The following FAM168A variants were observed in gnomAD, a reference collection of about 807,000 sequenced individuals.
FAM168A encodes the protein family with sequence similarity 168 member A, also known as protein FAM168A.
A neutral mutation model predicts 28.5 loss-of-function variants in FAM168A; 3 were observed. The observed-to-expected ratio is 0.11, with a 90% confidence interval of 0.05 to 0.27. The LOEUF (loss-of-function observed/expected upper bound fraction) is 0.27. FAM168A is among the 10% of genes least tolerant of loss of function. The probability of loss-of-function intolerance (pLI) is 1.00; values close to 1 mark genes in which losing one functional copy is unlikely to be tolerated. For missense variants in FAM168A, 222 were observed against 311.5 expected, an observed-to-expected ratio of 0.71 and a Z score of 2.16; for synonymous variants, 122 against 124.2, an observed-to-expected ratio of 0.98 and a Z score of 0.12.
At chr11:73,433,070 C>T (rs1387813863) in intron 2 of FAM168A, among the ~76,000 whole-genome samples, 1 of 139,820 alleles carries the variant, frequency 7.2e-6, no homozygotes, top group Non-Finnish European at 1.5e-5. Flanking sequence ...TGCCACCACG[C>T]CCCGCCTTTT....
At chr11:73,557,395 T>A (rs1005343261) in intron 1 of FAM168A, among the ~76,000 whole-genome samples, 11 of 152,090 alleles carry the variant, frequency 7.2e-5, no homozygotes, top group Non-Finnish European at 1.5e-4. Context: ...GCTAAGTTTT[T>A]TTTTTTTAAT....
intron 1 of FAM168A, among the ~76,000 whole-genome samples, chr11:73,513,031 T>C (rs1855254954): frequency 1.3e-5 from 2 of 152,204 alleles, no homozygotes; most frequent in Non-Finnish European, 1.5e-5. Context: ...ACATCTGCCG[T>C]AAAGTAGTCT....
At chr11:73,422,333 T>C (rs1360223184) in intron 3 of FAM168A, among the ~76,000 whole-genome samples, 1 of 152,256 alleles carries the variant, frequency 6.6e-6, no homozygotes, top group Non-Finnish European at 1.5e-5. Context: ...TTCTTCTGGT[T>C]TCTTTACAAA....
In FAM168A at chr11:73,519,737, C is replaced by A. The variant is rs141673922; in HGVS notation, c.-18-51245G>T. On this transcript the variant is annotated intron_variant, in intron 1 of 7. Transcript: ENST00000356467. ...AGAGATGATGAGGATAGCTGGAACA[C>A]AGAGAACAAGGGAGAGAGCAGCACA... is the stretch of plus-strand genomic sequence containing the variant. Among the ~76,000 whole-genome samples, 262 of 152,036 alleles carry A rather than the reference C, an allele frequency of 1.7e-3. 1 individual carries two copies. Among genetic ancestry groups the A allele is most frequent in the Middle Eastern group, 3.4e-3 (1 of 294 alleles).
intron 1 of FAM168A, among the ~76,000 whole-genome samples, chr11:73,478,095 A>G (rs1867916216): frequency 6.6e-6 from 1 of 152,208 alleles, no homozygotes; most frequent in South Asian, 2.1e-4. Flanking sequence ...CAAGAGTCCA[A>G]AGTAAGGAAG....
chr11:73,478,522 TA>T (rs200449403), intron 1 of FAM168A, among the ~76,000 whole-genome samples: 2,795 of 152,254 alleles, frequency 0.018, 69 homozygotes, highest in African/African-American at 0.057. Context: ...AAAAAAAGTC[TA>T]AAATGATTTT....
chr11:73,596,370 T>C (rs906327305), intron 1 of FAM168A, among the ~76,000 whole-genome samples: 2 of 152,188 alleles, frequency 1.3e-5, no homozygotes, highest in African/African-American at 4.8e-5. Flanking sequence ...ACCTTTAGTT[T>C]GGAAGTATGC....
intron 1 of FAM168A, among the ~76,000 whole-genome samples, chr11:73,557,402 T>C (rs1353899347): frequency 6.6e-6 from 1 of 152,010 alleles, no homozygotes; most frequent in South Asian, 2.1e-4. Flanking sequence ...TTTTTTTTTT[T>C]AATTTTTAGC....
intron 2 of FAM168A, among the ~76,000 whole-genome samples, chr11:73,437,571 G>A (rs911215802): frequency 6.6e-6 from 1 of 151,558 alleles, no homozygotes; most frequent in African/African-American, 2.4e-5. Context: ...AACCTCTTCA[G>A]TGAGTCAAAG....
intron 2 of FAM168A, among the ~76,000 whole-genome samples, chr11:73,458,693 C>T (rs1386307300): frequency 1.3e-5 from 2 of 152,122 alleles, no homozygotes; most frequent in Non-Finnish European, 2.9e-5. Flanking sequence ...TCACTGCAAC[C>T]TCCGCCTCCC....
At chr11:73,426,703 CTG>C (rs34499254) in intron 3 of FAM168A, among the ~76,000 whole-genome samples, 1,586 of 143,812 alleles carry the variant, frequency 0.011, 10 homozygotes, top group African/African-American at 0.027. Context: ...CCAAAATATG[CTG>C]TGTGTGTGTG....
rs1258262555 is a variant in FAM168A, at chr11:73,572,566, A to G, written c.-19+25357T>C. On this transcript the variant is annotated intron_variant, in intron 1 of 7. Coordinates refer to ENST00000356467, the MANE Select transcript of FAM168A (RefSeq NM_015159.3). ...TTCTGCCTTGGGATCCTGTTGATCT[A>G]TGACCTTACCCCCAACCCTGTGCTC... is the stretch of plus-strand genomic sequence containing the variant. Among the ~76,000 whole-genome samples the G allele has an allele frequency of 6.6e-5, 10 of 150,630 alleles. No homozygotes were observed. The East Asian group carries it at 1.9e-3, about 29-fold the overall frequency.
chr11:73,495,828 T>C (rs1488360497), intron 1 of FAM168A, among the ~76,000 whole-genome samples: 1 of 152,206 alleles, frequency 6.6e-6, no homozygotes, highest in East Asian at 1.9e-4. Context: ...TTGGTGGTAA[T>C]ATAAAATGGT....
At chr11:73,554,598 G>A (rs1943868271) in intron 1 of FAM168A, among the ~76,000 whole-genome samples, 1 of 152,068 alleles carries the variant, frequency 6.6e-6, no homozygotes, top group African/African-American at 2.4e-5. Flanking sequence ...CAAGGTGAAG[G>A]AGATTTTAGG....
intron 1 of FAM168A, among the ~76,000 whole-genome samples, chr11:73,560,100 G>A (rs1286821012): frequency 6.6e-6 from 1 of 152,120 alleles, no homozygotes; most frequent in Admixed American, 6.5e-5. Flanking sequence ...GTCTCACTCT[G>A]TCTCCCAGGC....
At chr11:73,586,581 G>T (rs1944316295) in intron 1 of FAM168A, among the ~76,000 whole-genome samples, 1 of 152,160 alleles carries the variant, frequency 6.6e-6, no homozygotes, top group South Asian at 2.1e-4. Context: ...AAGGTTCCAG[G>T]CTATACAGGG....
At chr11:73,479,536 A>G (rs1364238122) in intron 1 of FAM168A, among the ~76,000 whole-genome samples, 2 of 152,190 alleles carry the variant, frequency 1.3e-5, no homozygotes, top group East Asian at 3.8e-4. Context: ...AATCTGAGGG[A>G]AAACACAGCA....
intron 1 of FAM168A, among the ~76,000 whole-genome samples, chr11:73,564,225 A>G (rs940856525): frequency 3.3e-5 from 5 of 152,224 alleles, no homozygotes; most frequent in East Asian, 1.9e-4. Flanking sequence ...CCTGGTTCAC[A>G]TAACACTAGA....
Position 73,484,538 on chromosome 11 carries a change from ATATATCTATC to A in FAM168A, c.-18-16056_-18-16047del, listed in dbSNP as rs1476390745. 8.1e-5 allele frequency among the ~76,000 whole-genome samples: 10 copies of A among 123,496 alleles called. No individual in the cohort carries two copies. In the East Asian group the frequency reaches 1.2e-3, roughly 15 times the overall value. 81.0% of individuals were successfully genotyped at this position (123,496 alleles called of 152,430 possible). ...TATAGATATATATATCTATATATCTATATATCTATCTATATCTATATATCTATATATCTAT... is the reference window on the plus strand; with the variant it reads ...TATAGATATATATATCTATATATCTATATATCTATATATCTATATATCTAT... On this transcript the variant is annotated intron_variant, in intron 1 of 7. Coordinates refer to ENST00000356467, the MANE Select transcript of FAM168A (RefSeq NM_015159.3).
Sources: allele counts gnomAD v4.1 joint callset (sites outside exome capture counted in the v4.1 genomes callset), GRCh38; gene constraint gnomAD v4.1.1; transcripts MANE v1.5; gene names NCBI Gene and HGNC (gene_info 2026-07-23, HGNC 2026-07-21).